Variants in C1orf185 observed in about 807,000 individuals in gnomAD.
The protein encoded by C1orf185 is chromosome 1 open reading frame 185.
A neutral mutation model predicts 16.1 loss-of-function variants in C1orf185; 13 were observed. The ratio of observed to expected loss-of-function variants is 0.81; its 90% confidence interval spans 0.53 to 1.28. The LOEUF (loss-of-function observed/expected upper bound fraction) is 1.28. Ranked by LOEUF, C1orf185 falls within the 50% of genes most tolerant of loss-of-function variation. The probability of loss-of-function intolerance (pLI) is 0.00; values close to 1 mark genes in which losing one functional copy is unlikely to be tolerated. For missense variants in C1orf185, 220 were observed against 225.2 expected, an observed-to-expected ratio of 0.98 and a Z score of 0.15; for synonymous variants, 80 against 76.9, an observed-to-expected ratio of 1.04 and a Z score of -0.21.
At chr1:51,122,219 T>C (rs1384525468) in intron 3 of C1orf185, among the ~76,000 whole-genome samples, 1 of 152,228 alleles carries the variant, frequency 6.6e-6, no homozygotes, top group Non-Finnish European at 1.5e-5. Flanking sequence ...TTATAGAGGC[T>C]ATACCTAAGA....
At chr1:51,128,418 A>T (rs1167867879) in intron 3 of C1orf185, among the ~76,000 whole-genome samples, 1 of 123,934 alleles carries the variant, frequency 8.1e-6, no homozygotes. Flanking sequence ...AAAGCCAGGC[A>T]CAGTGGCTCA....
rs189782396 is a variant in C1orf185 at position 51,125,687 on chromosome 1, G to A, written c.258+6886G>A. 1.8e-3 allele frequency among the ~76,000 whole-genome samples: 277 copies of A among 152,294 alleles called. 9 individuals are homozygous for A. Among genetic ancestry groups the A allele is most frequent in the Admixed American group, 0.016 (244 of 15,296 alleles). ...AGAAAAGAAAAAGCTTCATTGTAAG[G>A]TCAACTGGGCAAGGAGTTAGAAGGC... is the stretch of plus-strand genomic sequence containing the variant. On this transcript the variant is annotated intron_variant, in intron 3 of 4. Coordinates refer to ENST00000371759, the MANE Select transcript of C1orf185 (RefSeq NM_001136508.2).
intron 4 of C1orf185, 114 bp downstream of exon 4, chr1:51,145,874 C>A (rs2148034385): frequency 2.1e-6 from 1 of 474,452 alleles, no homozygotes; most frequent in Non-Finnish European, 3.4e-6. Context: ...TGGTATGAAA[C>A]TGTAAGGGAA....
intron 3 of C1orf185, among the ~76,000 whole-genome samples, chr1:51,140,235 A>C (rs1449150526): frequency 1.3e-5 from 2 of 152,080 alleles, no homozygotes; most frequent in Non-Finnish European, 2.9e-5. Flanking sequence ...TGTTTGTGCA[A>C]ATTACATCCT....
chr1:51,108,628 C>T (rs771446800), intron 1 of C1orf185, among the ~76,000 whole-genome samples: 4 of 152,106 alleles, frequency 2.6e-5, no homozygotes, highest in Non-Finnish European at 4.4e-5. Context: ...TTACTCTCTT[C>T]TTCATGAGAT....
intron 3 of C1orf185, among the ~76,000 whole-genome samples, chr1:51,127,323 T>C (rs1263700620): frequency 6.6e-6 from 1 of 152,072 alleles, no homozygotes; most frequent in Non-Finnish European, 1.5e-5. Flanking sequence ...AGTTTCGCTC[T>C]TGTCGCCCAA....
At chr1:51,110,313 G>A (rs893431595) in intron 1 of C1orf185, among the ~76,000 whole-genome samples, 1 of 152,110 alleles carries the variant, frequency 6.6e-6, no homozygotes, top group African/African-American at 2.4e-5. Flanking sequence ...TTCATATATA[G>A]CATCATTATA....
chr1:51,102,446 G>A (rs1557640306), intron 1 of C1orf185, 197 bp downstream of exon 1: 1 of 414,760 alleles, frequency 2.4e-6, no homozygotes, highest in Non-Finnish European at 4.4e-6. Flanking sequence ...TGTAACTACT[G>A]ATTCAATTTA....
At chr1:51,132,093 G>C (rs1264734360) in intron 3 of C1orf185, among the ~76,000 whole-genome samples, 1 of 152,118 alleles carries the variant, frequency 6.6e-6, no homozygotes, top group Non-Finnish European at 1.5e-5. Flanking sequence ...AGGTGAAAAG[G>C]AAAAAGAAAA....
At chr1:51,124,088 T>C (rs971560125) in intron 3 of C1orf185, among the ~76,000 whole-genome samples, 1 of 148,002 alleles carries the variant, frequency 6.8e-6, no homozygotes, top group Non-Finnish European at 1.5e-5. Context: ...TTTGTTTTTT[T>C]TTTTTTTTTT....
intron 3 of C1orf185, among the ~76,000 whole-genome samples, chr1:51,121,146 C>T (rs1646194603): frequency 6.6e-6 from 1 of 152,122 alleles, no homozygotes; most frequent in African/African-American, 2.4e-5. Flanking sequence ...TGATTTTCAA[C>T]AATACAATAC....
intron 3 of C1orf185, among the ~76,000 whole-genome samples, chr1:51,135,572 T>C (rs952953532): frequency 6.6e-6 from 1 of 152,164 alleles, no homozygotes; most frequent in Non-Finnish European, 1.5e-5. Flanking sequence ...ATTATTTCAA[T>C]AGATGCCGAA....
intron 1 of C1orf185, among the ~76,000 whole-genome samples, chr1:51,111,110 C>T (rs1646113692): frequency 6.6e-6 from 1 of 151,976 alleles, no homozygotes; most frequent in African/African-American, 2.4e-5. Context: ...ATAATTACCC[C>T]AAGCCTTCTT....
chr1:51,127,055 G>A (rs1026644225), intron 3 of C1orf185, among the ~76,000 whole-genome samples: 1 of 151,810 alleles, frequency 6.6e-6, no homozygotes, highest in African/African-American at 2.4e-5. Context: ...AAATTAATGT[G>A]ATTTAAAAAA....
At chr1:51,104,217 A>G (rs2148006653) in intron 1 of C1orf185, among the ~76,000 whole-genome samples, 1 of 152,358 alleles carries the variant, frequency 6.6e-6, no homozygotes, top group Non-Finnish European at 1.5e-5. Context: ...TACAGCATAA[A>G]CCTAAGAATG....
At chr1:51,151,350 C>T (rs967902673), downstream of C1orf185, among the ~76,000 whole-genome samples, 9 of 151,706 alleles carry the variant, frequency 5.9e-5, no homozygotes, top group Admixed American at 1.3e-4. Flanking sequence ...TTATATCTTA[C>T]GCAATTGTAA....
In C1orf185 at chr1:51,143,110, T is replaced by G. The variant is rs367741884; in HGVS notation, c.259-2614T>G. Among the ~76,000 whole-genome samples, 19 of 152,264 alleles carry G rather than the reference T, an allele frequency of 1.2e-4. 1 individual carries two copies. The highest frequency in any genetic ancestry group is 4.6e-4 in the African/African-American group (19 of 41,548). On this transcript the variant is annotated intron_variant, in intron 3 of 4. Transcript: ENST00000371759. ...TAGAGATTTTAGATTGATCGCACAA[T>G]CAAGATGTTTGTTTTTTGTTTTTGC...
At chr1:51,143,533 T>G (rs1373108976) in intron 3 of C1orf185, among the ~76,000 whole-genome samples, 1 of 152,248 alleles carries the variant, frequency 6.6e-6, no homozygotes, top group Admixed American at 6.5e-5. Context: ...TTCCCATCAT[T>G]TTTTGAATTA....
chr1:51,134,828 A>G (rs1271374736), intron 3 of C1orf185, among the ~76,000 whole-genome samples: 1 of 152,224 alleles, frequency 6.6e-6, no homozygotes, highest in Admixed American at 6.5e-5. Flanking sequence ...CAGACCAATA[A>G]TAAGTTGTGA....
Sources: gnomAD v4.1 joint callset for allele counts (sites outside exome capture counted in the v4.1 genomes callset) on GRCh38, gnomAD v4.1.1 for gene constraint, MANE v1.5 for transcripts, NCBI Gene and HGNC (gene_info 2026-07-23, HGNC 2026-07-21) for gene names.